The following ALK variants were observed in gnomAD, a reference collection of about 807,000 sequenced individuals.
The protein encoded by ALK is ALK receptor tyrosine kinase.
In ALK, 74 loss-of-function variants were observed where a neutral mutation model predicts 163.1. The ratio of observed to expected loss-of-function variants is 0.45; its 90% confidence interval spans 0.38 to 0.55. The LOEUF is 0.55. Among genes scored for constraint, ALK ranks in the 20% least tolerant of loss-of-function variants. The pLI is 0.00. For synonymous variants in ALK, 960 were observed against 843.2 expected (o/e 1.14, Z -2.40); for missense variants, 2,063 against 2,105.3 (o/e 0.98, Z 0.39).
chr2:29,237,667 T>G (rs1013577304), intron 13 of ALK, among the ~76,000 whole-genome samples: 7 of 152,156 alleles, frequency 4.6e-5, no homozygotes, highest in Non-Finnish European at 1.5e-5. Flanking sequence ...TTAAATAAAT[T>G]TGAATGAATT....
At chr2:29,229,746 G>A (rs527730613) in intron 15 of ALK, among the ~76,000 whole-genome samples, 1 of 152,290 alleles carries the variant, frequency 6.6e-6, no homozygotes, top group East Asian at 1.9e-4. Context: ...GAGCGTCAGG[G>A]GCTCGAGAGG....
At chr2:29,688,454 A>C (rs978434152) in intron 3 of ALK, among the ~76,000 whole-genome samples, 3 of 152,256 alleles carry the variant, frequency 2.0e-5, no homozygotes, top group Non-Finnish European at 4.4e-5. Flanking sequence ...AAAAGTGCAT[A>C]TAATTGATGA....
chr2:29,818,631 A>T (rs576635598), intron 1 of ALK, among the ~76,000 whole-genome samples: 1 of 152,254 alleles, frequency 6.6e-6, no homozygotes, highest in South Asian at 2.1e-4. Flanking sequence ...GAAATATAGC[A>T]TCAAACTTTT....
At chr2:29,508,187 C>A (rs4584985) in intron 4 of ALK, among the ~76,000 whole-genome samples, 45,916 of 151,870 alleles carry the variant, frequency 0.3, 7,094 homozygotes, top group East Asian at 0.35. Context: ...AGAAAGTACA[C>A]GTGGACCCTC....
intron 11 of ALK, among the ~76,000 whole-genome samples, chr2:29,258,737 C>T (rs553774261): frequency 1.6e-4 from 24 of 152,328 alleles, no homozygotes; most frequent in South Asian, 4.1e-4. Context: ...TGACATGACG[C>T]TAGTAGACTT....
At chr2:29,593,862 C>G (rs983087509) in intron 3 of ALK, among the ~76,000 whole-genome samples, 4 of 152,176 alleles carry the variant, frequency 2.6e-5, no homozygotes, top group Non-Finnish European at 4.4e-5. Context: ...ACAGTACCAG[C>G]TTTTAAAGTT....
chr2:29,404,481 T>G (rs779406581), intron 4 of ALK, among the ~76,000 whole-genome samples: 9 of 152,130 alleles, frequency 5.9e-5, no homozygotes, highest in Non-Finnish European at 1.3e-4. Context: ...ACCTGTTACA[T>G]CAATGTGTAG....
intron 11 of ALK, among the ~76,000 whole-genome samples, chr2:29,259,272 TG>T (rs1484436130): frequency 5.9e-5 from 9 of 152,174 alleles, no homozygotes; most frequent in African/African-American, 1.4e-4. Flanking sequence ...AACTTTTTTT[TG>T]TATATGTTCT....
At chr2:29,198,587 C>T (rs1341556857) in intron 26 of ALK, among the ~76,000 whole-genome samples, 6 of 152,244 alleles carry the variant, frequency 3.9e-5, no homozygotes, top group East Asian at 1.9e-4. Context: ...TGAATATTGA[C>T]AAATTCTTGG....
intron 3 of ALK, among the ~76,000 whole-genome samples, chr2:29,641,295 G>T (rs1316052618): frequency 2.0e-5 from 3 of 152,122 alleles, no homozygotes; most frequent in Non-Finnish European, 4.4e-5. Context: ...AGTCTTTCAA[G>T]GATTAGGTTT....
intron 1 of ALK, among the ~76,000 whole-genome samples, chr2:29,809,258 G>T (rs1423863106): frequency 6.6e-6 from 1 of 152,230 alleles, no homozygotes; most frequent in African/African-American, 2.4e-5. Flanking sequence ...TGTGCCACAT[G>T]TTGTACTTGG....
chr2:29,287,292 C>T (rs1665884562), intron 9 of ALK, among the ~76,000 whole-genome samples: 1 of 152,116 alleles, frequency 6.6e-6, no homozygotes, highest in Admixed American at 6.6e-5. Context: ...AAAATGAGCT[C>T]ATAATAAAAT....
At chr2:29,282,055 T>G (rs946932502) in intron 9 of ALK, among the ~76,000 whole-genome samples, 18 of 152,200 alleles carry the variant, frequency 1.2e-4, no homozygotes, top group African/African-American at 3.6e-4. Flanking sequence ...GTGGCTGGAC[T>G]GGGTAGAAGG....
chr2:29,842,770 A>T (rs1028512310), intron 1 of ALK, among the ~76,000 whole-genome samples: 1 of 152,178 alleles, frequency 6.6e-6, no homozygotes, highest in Admixed American at 6.5e-5. Context: ...ACCTAACAAC[A>T]GTAGTGTGTA....
At chr2:29,629,804 C>A (rs1315974041) in intron 3 of ALK, among the ~76,000 whole-genome samples, 1 of 152,142 alleles carries the variant, frequency 6.6e-6, no homozygotes, top group African/African-American at 2.4e-5. Flanking sequence ...CAGGTCAAAG[C>A]AGTAAGTCAC....
chr2:29,199,293 A>C (rs550823978), intron 26 of ALK, among the ~76,000 whole-genome samples: 203 of 152,288 alleles, frequency 1.3e-3, no homozygotes, highest in Non-Finnish European at 2.4e-3. Flanking sequence ...ATACCAAAGA[A>C]AGATTTTTAT....
At chr2:29,267,216 T>A (rs1239638853) in intron 11 of ALK, among the ~76,000 whole-genome samples, 1 of 149,628 alleles carries the variant, frequency 6.7e-6, no homozygotes, top group Non-Finnish European at 1.5e-5. Context: ...CCAGTAACCC[T>A]CCAAGAACTG....
chr2:29,264,909 C>T (rs944563496), intron 11 of ALK, among the ~76,000 whole-genome samples: 4 of 152,266 alleles, frequency 2.6e-5, no homozygotes, highest in East Asian at 1.9e-4. Context: ...GAGGAGCTGG[C>T]GCACACTCTC....
chr2:29,459,326 C>A (rs1671030349), intron 4 of ALK, among the ~76,000 whole-genome samples: 1 of 152,100 alleles, frequency 6.6e-6, no homozygotes, highest in Non-Finnish European at 1.5e-5. Flanking sequence ...AAGCACATGG[C>A]AGCCATCTAA....
Sources: allele counts gnomAD v4.1 joint callset (sites outside exome capture counted in the v4.1 genomes callset), GRCh38; gene constraint gnomAD v4.1.1; transcripts MANE v1.5; gene names NCBI Gene and HGNC (gene_info 2026-07-23, HGNC 2026-07-21).